KIAA0586: variants seen among roughly 807,000 people sequenced by gnomAD.
KIAA0586 encodes the protein KIAA0586.
KIAA0586 carries 144 observed loss-of-function variants against 169.8 expected under a neutral mutation model. The observed-to-expected ratio is 0.85, with a 90% CI of 0.74 to 0.97. KIAA0586 has a LOEUF of 0.97. KIAA0586 is among the 50% of genes least tolerant of loss of function. KIAA0586 has a pLI of 0.00. For synonymous variants in KIAA0586, 625 were observed against 612.4 expected, an observed-to-expected ratio of 1.02 and a Z score of -0.30; for missense variants, 1,854 against 1,823.0, an observed-to-expected ratio of 1.02 and a Z score of -0.31.
intron 16 of KIAA0586, among the ~76,000 whole-genome samples, chr14:58,469,269 A>C (rs746518308): frequency 2.0e-5 from 3 of 152,188 alleles, no homozygotes; most frequent in Admixed American, 1.3e-4. Flanking sequence ...GGATCTCAGG[A>C]ATATTCCCGG....
intron 4 of KIAA0586, chr14:58,439,874 T>G: frequency 1.0e-6 from 1 of 959,742 alleles, no homozygotes; most frequent in Non-Finnish European, 1.2e-6. Context: ...ACTTAGACTC[T>G]CTTAGGGACT....
the KIAA0586 span, among the ~76,000 whole-genome samples, chr14:58,559,923 C>T: frequency 3.3e-5 from 5 of 152,160 alleles, no homozygotes; most frequent in East Asian, 5.8e-4. Flanking sequence ...GAGGCTGGGG[C>T]GGGCAGATCA....
In KIAA0586 at chr14:58,458,058, A is replaced by G. The variant is rs1051101233; in HGVS notation, c.1583+79A>G. ...TTCATAATTTTTTTCTAAGCACTGTATTTTCCTATTAGTTTTCATATTTTT... is the reference window on the plus strand; with the variant it reads ...TTCATAATTTTTTTCTAAGCACTGTGTTTTCCTATTAGTTTTCATATTTTT... On this transcript the variant is annotated intron_variant, in intron 11 of 30. Transcript: ENST00000652326. 60 of 871,676 alleles carry G rather than the reference A, an allele frequency of 6.9e-5. No homozygotes were observed. In the African/African-American group the frequency reaches 9.6e-4, roughly 14 times the overall value. The allele number at this position is 871,676 out of a possible 1,614,324, so 54.0% of individuals were successfully genotyped here.
intron 30 of KIAA0586, chr14:58,543,751 G>T: frequency 2.9e-6 from 1 of 344,286 alleles, no homozygotes; most frequent in Non-Finnish European, 5.6e-6. Flanking sequence ...AAAATATCTT[G>T]ACCCTATTTC....
chr14:58,482,136 A>G (rs1285566128), intron 20 of KIAA0586, among the ~76,000 whole-genome samples: 1 of 151,550 alleles, frequency 6.6e-6, no homozygotes, highest in African/African-American at 2.4e-5. Context: ...TTTAAGAATG[A>G]AAGTTCGGCC....
At chr14:58,445,050 A>T (rs1435902954) in intron 6 of KIAA0586, among the ~76,000 whole-genome samples, 1 of 151,754 alleles carries the variant, frequency 6.6e-6, no homozygotes, top group Non-Finnish European at 1.5e-5. Context: ...CTATGATAAT[A>T]CAACTGCACT....
intron 29 of KIAA0586, chr14:58,521,383 T>A: frequency 1.1e-6 from 1 of 929,810 alleles, no homozygotes; most frequent in Non-Finnish European, 1.7e-6. Context: ...GGCTTTGCCT[T>A]TGTTTAGTAT....
chr14:58,468,380 A>G (rs953706579), intron 16 of KIAA0586, among the ~76,000 whole-genome samples: 1 of 152,126 alleles, frequency 6.6e-6, no homozygotes, highest in Non-Finnish European at 1.5e-5. Flanking sequence ...CTGTGATATT[A>G]ATATGATGTT....
intron 13 of KIAA0586, among the ~76,000 whole-genome samples, chr14:58,460,446 A>G (rs2040231756): frequency 6.6e-6 from 1 of 152,098 alleles, no homozygotes; most frequent in African/African-American, 2.4e-5. Flanking sequence ...TTTAGTGCCT[A>G]GTATATGCAA....
chr14:58,492,051 C>G lies in KIAA0586; in HGVS notation c.3859-93C>G, dbSNP rs1054393352. ...TCCAAAAATGCTAATATCATCATCT[C>G]ATGACTGATAAGTTTTTATTAATCT... On this transcript the variant is annotated intron_variant, in intron 25 of 30. Coordinates refer to ENST00000652326, the MANE Select transcript of KIAA0586 (RefSeq NM_001329943.3). 9 of 1,026,852 alleles carry G rather than the reference C, an allele frequency of 8.8e-6. No individual in the cohort carries two copies. The African/African-American group carries it at 1.5e-4, about 17-fold the overall frequency. The allele number at this position is 1,026,852 out of a possible 1,614,324, so 63.6% of individuals were successfully genotyped here.
intron 13 of KIAA0586, 49 bp downstream of exon 13, chr14:58,460,119 T>A: frequency 9.2e-7 from 1 of 1,087,678 alleles, no homozygotes; most frequent in Non-Finnish European, 1.3e-6. Context: ...TTATAATTGA[T>A]CATTTCCTTT....
rs759702128 is a variant in KIAA0586, at chr14:58,457,845, A to G, written c.1449A>G (p.Val483=). Residue 483 remains valine (V), a synonymous_variant, in exon 11 of 31, where the codon GTA becomes GTG. Transcript: ENST00000652326. ...KLQTTNTTRS[V]LKDAEKILRG... Reference sequence around the variant, plus strand: ...AAACAACCAATACAACAAGATCTGTATTGAAAGATGCTGAGAAGATTTTGA... The same window carrying G: ...AAACAACCAATACAACAAGATCTGTGTTGAAAGATGCTGAGAAGATTTTGA... 1.9e-6 allele frequency: 3 copies of G among 1,608,856 alleles called. No individual in the cohort carries two copies. The highest frequency in any genetic ancestry group is 1.7e-6 in the Non-Finnish European group (2 of 1,177,228).
rs776790149 is a variant in KIAA0586 at position 58,467,767 on chromosome 14, C to T, written c.2287C>T (p.Pro763Ser). 1.3e-5 allele frequency: 21 copies of T among 1,612,598 alleles called. No individual in the cohort carries two copies. In the East Asian group the frequency reaches 4.7e-4, roughly 36 times the overall value. Residue 763 changes from proline to serine, a missense_variant, in exon 16 of 31, where the codon CCT (proline) becomes TCT (serine). Coordinates refer to ENST00000652326, the MANE Select transcript of KIAA0586 (RefSeq NM_001329943.3). ...CCAAAGTAATAGTGATACCATGCCA[C>T]CTGCTGGAGTGATTGTCAGCAAGCC... ...QTQSNSDTMP[P>S]AGVIVSKPHP...
At chr14:58,537,224 G>T in intron 29 of KIAA0586, 1 of 1,007,344 alleles carries the variant, frequency 9.9e-7, no homozygotes, top group Non-Finnish European at 1.2e-6. Context: ...TACTGTGATA[G>T]TGGCTTATTT....
chr14:58,508,501 T>A, intron 27 of KIAA0586, 54 bp from the exon 28 acceptor site: 1 of 1,374,392 alleles, frequency 7.3e-7, no homozygotes, highest in Admixed American at 2.2e-5. Context: ...TGTTCATTTT[T>A]GAAGATAAAT....
At chr14:58,517,271 A>G (rs1234220241) in intron 29 of KIAA0586, among the ~76,000 whole-genome samples, 1 of 152,242 alleles carries the variant, frequency 6.6e-6, no homozygotes, top group African/African-American at 2.4e-5. Flanking sequence ...AAACCTTACA[A>G]AACTCAACAC....
chr14:58,463,247 A>AT (rs2040480434), intron 14 of KIAA0586, among the ~76,000 whole-genome samples: 1 of 152,108 alleles, frequency 6.6e-6, no homozygotes, highest in African/African-American at 2.4e-5. Context: ...ACTCTGCCAT[A>AT]TTGTTCTTCA....
At chr14:58,483,485 A>G (rs1024255948) in intron 21 of KIAA0586, among the ~76,000 whole-genome samples, 8 of 152,118 alleles carry the variant, frequency 5.3e-5, no homozygotes, top group African/African-American at 1.9e-4. Context: ...ACCCCCCCAG[A>G]TTTAACATTG....
At chr14:58,540,543 G>A (rs750719040) in intron 30 of KIAA0586, among the ~76,000 whole-genome samples, 2 of 152,102 alleles carry the variant, frequency 1.3e-5, no homozygotes, top group Non-Finnish European at 2.9e-5. Flanking sequence ...TCACATTAAC[G>A]ATTGCTTTTT....
Sources: gnomAD v4.1 joint callset for allele counts (sites outside exome capture counted in the v4.1 genomes callset) on GRCh38, gnomAD v4.1.1 for gene constraint, MANE v1.5 for transcripts, NCBI Gene and HGNC (gene_info 2026-07-23, HGNC 2026-07-21) for gene names.